The following CCDC178 variants were observed in gnomAD, a reference collection of about 807,000 sequenced individuals.
CCDC178 encodes coiled-coil domain-containing protein 178.
A neutral mutation model predicts 117.4 loss-of-function variants in CCDC178; 126 were observed. That is an observed-to-expected ratio of 1.07 (90% CI 0.93 to 1.24). The LOEUF (loss-of-function observed/expected upper bound fraction) is 1.24, where lower values mean the gene tolerates loss of function less well. Among genes scored for constraint, CCDC178 ranks in the 50% most tolerant of loss-of-function variants. The pLI is 0.00. For missense variants in CCDC178, 1,030 were observed against 986.9 expected, an observed-to-expected ratio of 1.04 and a Z score of -0.59; for synonymous variants, 283 against 313.4, an observed-to-expected ratio of 0.90 and a Z score of 1.02.
intron 2 of CCDC178, among the ~76,000 whole-genome samples, chr18:33,413,952 C>T (rs1169745087): frequency 6.6e-6 from 1 of 152,096 alleles, no homozygotes; most frequent in Non-Finnish European, 1.5e-5. Flanking sequence ...AATTCCAAAT[C>T]TCAGTAAGGC....
intron 5 of CCDC178, among the ~76,000 whole-genome samples, chr18:33,377,111 C>T (rs940023851): frequency 1.3e-5 from 2 of 152,136 alleles, no homozygotes; most frequent in Non-Finnish European, 2.9e-5. Context: ...TTGTCAGCAT[C>T]TGTTGTTTTT....
chr18:32,958,239 A>T (rs980889714), intron 22 of CCDC178: 1 of 554,568 alleles, frequency 1.8e-6, no homozygotes, highest in Non-Finnish European at 3.3e-6. Flanking sequence ...ACAAAAACAT[A>T]GTTAGTGATT....
At chr18:33,112,437 G>A (rs539631983) in intron 20 of CCDC178, among the ~76,000 whole-genome samples, 1 of 151,758 alleles carries the variant, frequency 6.6e-6, no homozygotes, top group African/African-American at 2.4e-5. Context: ...CTCAATTTAA[G>A]CCTACTAGCC....
At chr18:33,126,635 T>C (rs2144236051) in intron 20 of CCDC178, among the ~76,000 whole-genome samples, 1 of 151,902 alleles carries the variant, frequency 6.6e-6, no homozygotes, top group Admixed American at 6.6e-5. Context: ...TTTTCATGTC[T>C]TGCAAGTACT....
intron 3 of CCDC178, among the ~76,000 whole-genome samples, chr18:33,399,249 T>A (rs1047290964): frequency 6.6e-6 from 1 of 152,046 alleles, no homozygotes; most frequent in African/African-American, 2.4e-5. Flanking sequence ...CAAGTCATAA[T>A]CTTTTCACTG....
At chr18:33,434,787 A>G (rs1374178198) in intron 2 of CCDC178, among the ~76,000 whole-genome samples, 2 of 152,156 alleles carry the variant, frequency 1.3e-5, no homozygotes, top group African/African-American at 4.8e-5. Context: ...TCCCATCATC[A>G]TAAGATTCAT....
chr18:33,376,290 C>T (rs745601066), intron 5 of CCDC178, among the ~76,000 whole-genome samples: 2 of 151,998 alleles, frequency 1.3e-5, no homozygotes, highest in Admixed American at 6.5e-5. Context: ...GCGGGGAGGG[C>T]GTGAGCAGGA....
At chr18:33,113,843 G>A (rs1460849365) in intron 20 of CCDC178, among the ~76,000 whole-genome samples, 3 of 152,026 alleles carry the variant, frequency 2.0e-5, no homozygotes, top group African/African-American at 7.2e-5. Flanking sequence ...CCAGGGGCTT[G>A]TTAAAAGAAT....
chr18:33,119,819 A>G (rs1214730906), intron 20 of CCDC178, among the ~76,000 whole-genome samples: 1 of 152,204 alleles, frequency 6.6e-6, no homozygotes, highest in African/African-American at 2.4e-5. Flanking sequence ...GATTAAGAAA[A>G]TGTGGCACAT....
At chr18:33,049,516 C>T (rs191242474) in intron 21 of CCDC178, among the ~76,000 whole-genome samples, 1 of 151,898 alleles carries the variant, frequency 6.6e-6, no homozygotes, top group African/African-American at 2.4e-5. Flanking sequence ...AGATAATTTC[C>T]ATGACATTTG....
At chr18:33,262,409 A>T (rs1318312839) in intron 14 of CCDC178, among the ~76,000 whole-genome samples, 1 of 152,178 alleles carries the variant, frequency 6.6e-6, no homozygotes, top group Non-Finnish European at 1.5e-5. Flanking sequence ...TTTTTCACTT[A>T]ATGTCTGGTA....
At chr18:33,237,780 CA>C (rs57087942) in intron 15 of CCDC178, among the ~76,000 whole-genome samples, 133 of 145,576 alleles carry the variant, frequency 9.1e-4, no homozygotes, top group African/African-American at 2.2e-3. Context: ...CTGAAAAAAA[CA>C]AAAAAAAAAA....
At position 33,401,611 on chromosome 18, in the gene CCDC178, T is replaced by A. The variant is rs2063710563; in HGVS notation, c.59-4403A>T. Among the ~76,000 whole-genome samples the A allele has an allele frequency of 3.3e-5, 5 of 152,214 alleles. No homozygotes were observed. In the South Asian group the frequency reaches 1.0e-3, roughly 32 times the overall value. ...AATGAACTACAGAATTTAAAATTTT[T>A]CAAAATATATTAAAATTATAAAAAT... On this transcript the variant is annotated intron_variant, in intron 3 of 22. Coordinates refer to ENST00000383096, the MANE Select transcript of CCDC178 (RefSeq NM_001105528.4).
At chr18:33,015,325 G>A (rs2055961656) in intron 21 of CCDC178, among the ~76,000 whole-genome samples, 1 of 151,760 alleles carries the variant, frequency 6.6e-6, no homozygotes, top group Non-Finnish European at 1.5e-5. Flanking sequence ...AGCACTTTGG[G>A]AGGCCAAGGC....
intron 11 of CCDC178, among the ~76,000 whole-genome samples, chr18:33,314,288 G>A (rs1192513487): frequency 6.8e-6 from 1 of 146,150 alleles, no homozygotes; most frequent in African/African-American, 2.5e-5. Context: ...TAATAGACTA[G>A]CATTCAAATC....
chr18:33,119,915 C>A (rs2144206620), intron 20 of CCDC178, among the ~76,000 whole-genome samples: 1 of 152,156 alleles, frequency 6.6e-6, no homozygotes, highest in Middle Eastern at 3.4e-3. Context: ...AACCATCATT[C>A]TCAGCAAACT....
In CCDC178 at chr18:32,937,661, C is replaced by T. The variant is rs915542598; in HGVS notation, c.*350G>A. On this transcript the variant is annotated 3_prime_UTR_variant, in exon 23 of 23. Coordinates refer to ENST00000383096, the MANE Select transcript of CCDC178 (RefSeq NM_001105528.4). ...GGCAAAGCCTTTATTTGGGCCAAGA[C>T]GATAGGGAAATCTGGGGAAGCGAAC... 4 of 233,156 alleles carry T rather than the reference C, an allele frequency of 1.7e-5. No homozygotes were observed. The highest frequency in any genetic ancestry group is 2.0e-4 in the East Asian group (2 of 10,094). 14.4% of individuals were successfully genotyped at this position (233,156 alleles called of 1,614,324 possible). A position where few individuals can be genotyped will look rare whatever the true frequency, so the allele number is the denominator to read the frequency against.
chr18:32,938,224 T>C (rs1167240362), intron 22 of CCDC178, 133 bp from the exon 23 acceptor site: 2 of 645,674 alleles, frequency 3.1e-6, no homozygotes, highest in Non-Finnish European at 5.5e-6. Flanking sequence ...ACATTCTCCT[T>C]TATAGGAGAC....
Position 33,174,361 on chromosome 18 carries a change from A to C in CCDC178, c.2238+37535T>G, listed in dbSNP as rs538160636. Among the ~76,000 whole-genome samples the C allele has an allele frequency of 6.0e-4, 92 of 152,330 alleles. 1 individual carries two copies. Among genetic ancestry groups the C allele is most frequent in the African/African-American group, 2.1e-3 (88 of 41,582 alleles). The stretch of plus-strand genomic sequence containing the variant: ...TGGGGACAAATATCCAAACCATATC[A>C]GAAGTTAAATTAATTGTCCAAGATC... On this transcript the variant is annotated intron_variant, in intron 20 of 22. Coordinates refer to ENST00000383096, the MANE Select transcript of CCDC178 (RefSeq NM_001105528.4).
Sources: gnomAD v4.1 joint callset for allele counts (sites outside exome capture counted in the v4.1 genomes callset) on GRCh38, gnomAD v4.1.1 for gene constraint, MANE v1.5 for transcripts, NCBI Gene and HGNC (gene_info 2026-07-23, HGNC 2026-07-21) for gene names.